SGPL1: variants seen among roughly 807,000 people sequenced by gnomAD.
SGPL1 encodes the protein sphingosine-1-phosphate lyase 1.
In SGPL1, 37 loss-of-function variants were observed where a neutral mutation model predicts 68.9. The observed-to-expected ratio is 0.54, with a 90% CI of 0.41 to 0.71. SGPL1 has a LOEUF of 0.71. SGPL1 is among the 30% of genes least tolerant of loss of function. The pLI, the probability that SGPL1 is intolerant of heterozygous loss-of-function variation, is 0.00. For synonymous variants in SGPL1, 236 were observed against 248.5 expected, an observed-to-expected ratio of 0.95 and a Z score of 0.47; for missense variants, 551 against 704.6, an observed-to-expected ratio of 0.78 and a Z score of 2.47.
At chr10:70,831,477 C>T (rs1181764886) in intron 2 of SGPL1, among the ~76,000 whole-genome samples, 1 of 152,154 alleles carries the variant, frequency 6.6e-6, no homozygotes. Flanking sequence ...CCCATGACCT[C>T]CTCTTGGATT....
intron 8 of SGPL1, among the ~76,000 whole-genome samples, 171 bp downstream of exon 8, chr10:70,868,604 A>T (rs1322856980): frequency 6.6e-6 from 1 of 152,144 alleles, no homozygotes; most frequent in East Asian, 1.9e-4. Context: ...ATTCAGTAAA[A>T]TTCTAAATGG....
chr10:70,863,010 G>A (rs191332868), intron 7 of SGPL1, among the ~76,000 whole-genome samples: 56 of 152,058 alleles, frequency 3.7e-4, no homozygotes, highest in African/African-American at 1.3e-3. Flanking sequence ...TTTGAGACAG[G>A]GTGTCACTCT....
At chr10:70,842,812 C>T (rs571214793) in intron 2 of SGPL1, among the ~76,000 whole-genome samples, 2 of 152,178 alleles carry the variant, frequency 1.3e-5, no homozygotes, top group Admixed American at 6.5e-5. Flanking sequence ...CTTCTCCCAG[C>T]CTCACGTCTC....
In SGPL1 at chr10:70,853,265, C is replaced by T. The variant is rs554873448; in HGVS notation, c.262-1443C>T. ...GACATGCTCGAAAGGAGTGGCTTTCCCTGTGGTTTCACTGAGGGCCATATC... is the reference window on the plus strand; with the variant it reads ...GACATGCTCGAAAGGAGTGGCTTTCTCTGTGGTTTCACTGAGGGCCATATC... On this transcript the variant is annotated intron_variant, in intron 4 of 14. Transcript: ENST00000373202. Among the ~76,000 whole-genome samples the T allele has an allele frequency of 2.0e-5, 3 of 152,314 alleles. No individual in the cohort carries two copies. The South Asian group carries it at 6.2e-4, about 32-fold the overall frequency.
intron 2 of SGPL1, among the ~76,000 whole-genome samples, chr10:70,818,777 T>G (rs1054738374): frequency 1.3e-5 from 2 of 152,226 alleles, no homozygotes; most frequent in African/African-American, 4.8e-5. Context: ...GCCCCAAATT[T>G]CATGGATTTT....
At chr10:70,875,808 C>T (rs1274693818) in intron 13 of SGPL1, among the ~76,000 whole-genome samples, 1 of 152,212 alleles carries the variant, frequency 6.6e-6, no homozygotes, top group Admixed American at 6.5e-5. Flanking sequence ...CAGTCTCTAG[C>T]CTTTCTACTC....
intron 1 of SGPL1, 87 bp from the exon 2 acceptor site, chr10:70,816,724 C>T: frequency 1.1e-6 from 1 of 889,752 alleles, no homozygotes; most frequent in Non-Finnish European, 1.9e-6. Flanking sequence ...GGGAGAGAAC[C>T]ATAACTTGGC....
At chr10:70,839,745 A>T (rs1288738640) in intron 2 of SGPL1, among the ~76,000 whole-genome samples, 2 of 152,138 alleles carry the variant, frequency 1.3e-5, no homozygotes, top group Non-Finnish European at 2.9e-5. Context: ...AAGTAAAAAG[A>T]CATAGTGGGA....
intron 11 of SGPL1, 132 bp downstream of exon 11, chr10:70,872,118 T>C: frequency 1.1e-6 from 1 of 901,256 alleles, no homozygotes. Flanking sequence ...TTAAACTCTC[T>C]CTTTGCCGTC....
intron 2 of SGPL1, among the ~76,000 whole-genome samples, chr10:70,835,735 C>CA (rs66962270): frequency 0.21 from 14,303 of 69,720 alleles, 1,085 homozygotes; most frequent in Non-Finnish European, 0.25. Context: ...GACTCCGTCT[C>CA]AAAAAAAAAA....
chr10:70,837,301 C>T (rs1353034567), intron 2 of SGPL1, among the ~76,000 whole-genome samples: 2 of 152,160 alleles, frequency 1.3e-5, no homozygotes, highest in Non-Finnish European at 2.9e-5. Context: ...TGGTCTCAAA[C>T]TCCTGACCTC....
intron 2 of SGPL1, among the ~76,000 whole-genome samples, chr10:70,826,935 T>C (rs1406967679): frequency 6.6e-6 from 1 of 152,246 alleles, no homozygotes; most frequent in Non-Finnish European, 1.5e-5. Context: ...ATTTGACTTA[T>C]AATTCACATT....
Position 70,824,581 on chromosome 10 carries a change from A to G in SGPL1, c.27+7701A>G, listed in dbSNP as rs191295742. Among the ~76,000 whole-genome samples the G allele has an allele frequency of 4.7e-3, 722 of 152,334 alleles. 2 individuals carry two copies. The highest frequency in any genetic ancestry group is 7.4e-3 in the Non-Finnish European group (504 of 68,020). On this transcript the variant is annotated intron_variant, in intron 2 of 14. Coordinates refer to ENST00000373202, the MANE Select transcript of SGPL1 (RefSeq NM_003901.4). ...ATTAAGAGAGTTTAATTTGTGTTCC[A>G]TAGTGCGATGACAAAAAAAAAGTAA...
chr10:70,844,213 T>C (rs951192586), intron 2 of SGPL1, among the ~76,000 whole-genome samples: 11 of 152,180 alleles, frequency 7.2e-5, no homozygotes, highest in Non-Finnish European at 1.5e-4. Context: ...ACGATCTAGC[T>C]TAACCCTCTT....
At chr10:70,838,994 C>G (rs1417701826) in intron 2 of SGPL1, among the ~76,000 whole-genome samples, 3 of 152,178 alleles carry the variant, frequency 2.0e-5, no homozygotes, top group Non-Finnish European at 2.9e-5. Flanking sequence ...TTGTAGCCTT[C>G]TGCTGTTGGG....
rs749826210 is a variant in SGPL1 at position 70,871,002 on chromosome 10, A to C, written c.811-46A>C. ...GCTCTTGGCAGCAGAAGAGAAGAGTAATTGTGACATAGATTCTCATTTTCC... is the reference window on the plus strand; with the variant it reads ...GCTCTTGGCAGCAGAAGAGAAGAGTCATTGTGACATAGATTCTCATTTTCC... On this transcript the variant is annotated intron_variant, in intron 9 of 14. Transcript: ENST00000373202. 33 of 1,518,956 alleles carry C rather than the reference A, an allele frequency of 2.2e-5. 1 individual carries two copies. Among genetic ancestry groups the C allele is most frequent in the Non-Finnish European group, 2.9e-5 (32 of 1,093,460 alleles). 94.1% of individuals were successfully genotyped at this position (1,518,956 alleles called of 1,614,324 possible). A position where few individuals can be genotyped will look rare whatever the true frequency, so the allele number is the denominator to read the frequency against.
intron 11 of SGPL1, 24 bp from the exon 12 acceptor site, chr10:70,873,327 T>C: frequency 1.3e-6 from 2 of 1,564,700 alleles, no homozygotes; most frequent in South Asian, 2.2e-5. Context: ...CTCTCACTTT[T>C]CTTGTCTGCT....
chr10:70,859,388 A>T lies in SGPL1; in HGVS notation c.504A>T (p.Ala168=). The change falls in exon 7 of 15, where the codon GCA becomes GCT. Residue 168 remains alanine (A), a synonymous_variant. Coordinates refer to ENST00000373202, the MANE Select transcript of SGPL1 (RefSeq NM_003901.4). ...TTTTGCAGGCTTATGGAGATTTTGC[A>T]TGGAGTAACCCCCTGCATCCAGATA... ...ELLVKAYGDF[A]WSNPLHPDIF... 2 of 1,521,616 alleles carry T rather than the reference A, an allele frequency of 1.3e-6. No individual in the cohort carries two copies. Among genetic ancestry groups the T allele is most frequent in the Non-Finnish European group, 1.8e-6 (2 of 1,135,616 alleles). 94.3% of individuals were successfully genotyped at this position (1,521,616 alleles called of 1,614,324 possible). A position where few individuals can be genotyped will look rare whatever the true frequency, so the allele number is the denominator to read the frequency against.
intron 2 of SGPL1, among the ~76,000 whole-genome samples, chr10:70,827,319 G>A (rs991455267): frequency 6.6e-6 from 1 of 152,024 alleles, no homozygotes. Flanking sequence ...TTTCTGTTTT[G>A]TGGCTGCCTC....
Sources: allele counts gnomAD v4.1 joint callset (sites outside exome capture counted in the v4.1 genomes callset), GRCh38; gene constraint gnomAD v4.1.1; transcripts MANE v1.5; gene names NCBI Gene and HGNC (gene_info 2026-07-23, HGNC 2026-07-21).